PRKN: variants seen among roughly 807,000 people sequenced by gnomAD.
The protein encoded by PRKN is E3 ubiquitin-protein ligase parkin.
In PRKN, 56 loss-of-function variants were observed where a neutral mutation model predicts 59.5. The ratio of observed to expected loss-of-function variants is 0.94; its 90% CI spans 0.76 to 1.18. The LOEUF (loss-of-function observed/expected upper bound fraction) is 1.18. Among genes scored for constraint, PRKN ranks in the 50% most tolerant of loss-of-function variants. The pLI, the probability that PRKN is intolerant of heterozygous loss-of-function variation, is 0.00. For synonymous variants in PRKN, 250 were observed against 222.1 expected (o/e 1.13, Z -1.12); for missense variants, 657 against 596.4 (o/e 1.10, Z -1.06).
intron 2 of PRKN, among the ~76,000 whole-genome samples, chr6:162,288,366 C>T (rs978177365): frequency 3.3e-5 from 5 of 152,084 alleles, no homozygotes; most frequent in African/African-American, 9.7e-5. Flanking sequence ...GAATGCCACC[C>T]GTGTGATTAG....
chr6:161,791,730 G>A (rs1010424632), intron 6 of PRKN, among the ~76,000 whole-genome samples: 17 of 152,180 alleles, frequency 1.1e-4, no homozygotes, highest in African/African-American at 3.6e-4. Context: ...TTACTATACA[G>A]GACAGAATAT....
intron 4 of PRKN, among the ~76,000 whole-genome samples, chr6:162,187,979 G>C (rs1357106145): frequency 6.6e-6 from 1 of 152,260 alleles, no homozygotes; most frequent in East Asian, 1.9e-4. Flanking sequence ...AGTGAGAGGT[G>C]CTTGAACTAT....
At chr6:161,365,945 G>A (rs544364296) in intron 10 of PRKN, among the ~76,000 whole-genome samples, 1 of 152,332 alleles carries the variant, frequency 6.6e-6, no homozygotes, top group South Asian at 2.1e-4. Flanking sequence ...ATTGAGAGCA[G>A]CAATTTCTGT....
intron 1 of PRKN, among the ~76,000 whole-genome samples, chr6:162,716,046 G>A (rs944156497): frequency 6.6e-6 from 1 of 152,172 alleles, no homozygotes; most frequent in African/African-American, 2.4e-5. Flanking sequence ...CACTAACTGT[G>A]ACTTCCTCAT....
rs572744574 is a variant in PRKN, at chr6:161,688,954, A to C, written c.871+96818T>G. 7.0e-4 allele frequency among the ~76,000 whole-genome samples: 107 copies of C among 152,332 alleles called. No homozygotes were observed. The South Asian group carries it at 0.021, about 30-fold the overall frequency. Reference sequence around the variant, plus strand: ...CCAATTCATTCAGAGGTTAGTCTGCAGAGCTGACTGAGATCACCAAGGGAA... The same window carrying C: ...CCAATTCATTCAGAGGTTAGTCTGCCGAGCTGACTGAGATCACCAAGGGAA... On this transcript the variant is annotated intron_variant, in intron 7 of 11. Transcript: ENST00000366898.
chr6:162,314,397 T>C (rs1228572897), intron 2 of PRKN, among the ~76,000 whole-genome samples: 1 of 152,206 alleles, frequency 6.6e-6, no homozygotes, highest in Non-Finnish European at 1.5e-5. Context: ...ACTTGGTTAA[T>C]GACCACATTG....
intron 1 of PRKN, among the ~76,000 whole-genome samples, chr6:162,579,368 G>GT (rs139347077): frequency 9.1e-4 from 138 of 152,016 alleles, no homozygotes; most frequent in African/African-American, 3.2e-3. Context: ...GTAGTGGAGG[G>GT]TGCCTCAACT....
At chr6:161,773,266 C>A (rs1789771624) in intron 7 of PRKN, among the ~76,000 whole-genome samples, 1 of 152,122 alleles carries the variant, frequency 6.6e-6, no homozygotes, top group African/African-American at 2.4e-5. Context: ...TACATCAAAC[C>A]ATTTAAAATG....
In PRKN at chr6:161,354,941, A is replaced by G. The variant is rs1784692501; in HGVS notation, c.1286-4730T>C. 6.6e-6 allele frequency among the ~76,000 whole-genome samples: 1 copy of G among 152,214 alleles called. No individual in the cohort carries two copies. On this transcript the variant is annotated intron_variant, in intron 11 of 11. Transcript: ENST00000366898. This position sits in a 1 kb window ranked among gnomAD's most constrained non-coding sequence, Gnocchi z 6.7. ...CGAACCATTTGACTCCTACAACTCC[A>G]TCTTTGGAGGCTGCCAGCATGTTCT...
intron 1 of PRKN, among the ~76,000 whole-genome samples, chr6:162,686,977 T>C (rs1777584047): frequency 6.6e-6 from 1 of 152,114 alleles, no homozygotes; most frequent in Admixed American, 6.6e-5. Flanking sequence ...TTTTGGTTGT[T>C]GTTGTTTTGT....
Position 162,262,666 on chromosome 6 carries a change from C to A in PRKN, c.271G>T (p.Ala91Ser), listed in dbSNP as rs552077922. The A allele has an allele frequency of 6.2e-7, 1 of 1,613,438 alleles. No homozygotes were observed. Among genetic ancestry groups the A allele is most frequent in the Non-Finnish European group, 8.5e-7 (1 of 1,179,944 alleles). The change falls in exon 3 of 12, where the codon GCG (alanine) becomes TCG (serine). Residue 91 changes from alanine (A) to serine (S), a missense_variant. By Grantham distance (99) the Ala-to-Ser change is moderately conservative. Transcript: ENST00000366898. ...NATGGDDPRN[A>S]AGGCEREPQS... ...GGCTCCCGCTCACAGCCTCCCGCCG[C>A]GTTTCTGGGGTCGTCGCCTCCAGTT...
intron 1 of PRKN, among the ~76,000 whole-genome samples, chr6:162,614,761 CAA>C (rs904395640): frequency 2.8e-4 from 43 of 152,056 alleles, no homozygotes; most frequent in Non-Finnish European, 1.0e-4. Context: ...GATGAAAACT[CAA>C]GTCTGTATTT....
At chr6:161,750,816 A>C (rs1186350493) in intron 7 of PRKN, among the ~76,000 whole-genome samples, 1 of 152,046 alleles carries the variant, frequency 6.6e-6, no homozygotes, top group Non-Finnish European at 1.5e-5. Context: ...GAATTGATTT[A>C]ATAGATGAAT....
In PRKN at chr6:161,442,113, T is replaced by TA. The variant is rs1688989111; in HGVS notation, c.1084-55237dup. 6.6e-6 allele frequency among the ~76,000 whole-genome samples: 1 copy of TA among 152,198 alleles called. No individual in the cohort carries two copies. On this transcript the variant is annotated intron_variant, in intron 9 of 11. Coordinates refer to ENST00000366898, the MANE Select transcript of PRKN (RefSeq NM_004562.3). The surrounding 1 kb of genome is among the most constrained non-coding windows in gnomAD (Gnocchi z 4.6). ...ATTTTCATCCCTACTTTAATAAACA[T>TA]ACATGTGCCAAGCTGGCTCTGAATT...
At chr6:161,684,308 C>G (rs764106441) in intron 7 of PRKN, among the ~76,000 whole-genome samples, 13 of 152,092 alleles carry the variant, frequency 8.5e-5, no homozygotes, top group Middle Eastern at 3.4e-3. Flanking sequence ...GTTGCCCAGG[C>G]TGGTCTCAAG....
intron 1 of PRKN, among the ~76,000 whole-genome samples, chr6:162,460,080 CATTATT>C (rs766589328): frequency 6.6e-5 from 10 of 152,160 alleles, no homozygotes; most frequent in African/African-American, 2.4e-4. Flanking sequence ...TCCCTATCAG[CATTATT>C]ATTAATAGCC....
intron 9 of PRKN, among the ~76,000 whole-genome samples, chr6:161,435,754 G>A (rs1054526658): frequency 6.7e-6 from 1 of 148,948 alleles, no homozygotes; most frequent in African/African-American, 2.5e-5. Context: ...TAGTTTTCCA[G>A]GCAGTTGTAT....
intron 2 of PRKN, among the ~76,000 whole-genome samples, chr6:162,353,450 AAAAT>A (rs1467843572): frequency 6.6e-6 from 1 of 152,174 alleles, no homozygotes; most frequent in Non-Finnish European, 1.5e-5. Flanking sequence ...TTATGTACAT[AAAAT>A]AAATGTTAAA....
chr6:161,807,773 T>C (rs1462243272), intron 6 of PRKN, among the ~76,000 whole-genome samples: 1 of 152,154 alleles, frequency 6.6e-6, no homozygotes, highest in East Asian at 1.9e-4. Context: ...TTAGATTTGA[T>C]TAAGGCCCTA....
Sources: gnomAD v4.1 joint callset for allele counts (sites outside exome capture counted in the v4.1 genomes callset) on GRCh38, gnomAD v4.1.1 for gene constraint, Gnocchi (gnomAD v3.1) non-coding constraint, MANE v1.5 for transcripts, NCBI Gene and HGNC (gene_info 2026-07-23, HGNC 2026-07-21) for gene names.